The following POC5 variants were observed in gnomAD, a reference collection of about 807,000 sequenced individuals.
The protein encoded by POC5 is POC5 centriolar protein, also known as centrosomal protein POC5.
POC5 carries 48 observed loss-of-function variants against 62.9 expected under a neutral mutation model. The observed-to-expected ratio is 0.76, with a 90% CI of 0.61 to 0.97. The LOEUF is 0.97. Ranked by LOEUF, POC5 falls within the 50% of genes least tolerant of loss-of-function variation. POC5 has a pLI of 0.00. For synonymous variants in POC5, 236 were observed against 228.2 expected, an observed-to-expected ratio of 1.03 and a Z score of -0.31; for missense variants, 696 against 679.5, an observed-to-expected ratio of 1.02 and a Z score of -0.27.
At chr5:75,702,000 G>A (rs1776906226) in intron 5 of POC5, among the ~76,000 whole-genome samples, 1 of 152,178 alleles carries the variant, frequency 6.6e-6, no homozygotes, top group South Asian at 2.1e-4. Flanking sequence ...GCCATTCAAA[G>A]TATCTGTGAA....
chr5:75,696,118 C>T (rs150247403), intron 5 of POC5: 38,043 of 159,420 alleles, frequency 0.24, 4,821 homozygotes, highest in South Asian at 0.31. Context: ...AACTGCAAGG[C>T]GGCAGCGAGG....
rs1287560667 is a variant in POC5, at chr5:75,689,058, T to A, written c.1083A>T (p.Ala361=). ...ATATAGTCATGGCTTCAAGATTTAATGCACATACACCCCTCATGAAAGCTT... is the reference window on the plus strand; with the variant it reads ...ATATAGTCATGGCTTCAAGATTTAAAGCACATACACCCCTCATGAAAGCTT... ...MKKAFMRGVC[A]LNLEAMTIFQ... The change falls in exon 9 of 12, where the codon GCA becomes GCT. Residue 361 remains alanine (A), a synonymous_variant. Coordinates refer to ENST00000428202, the MANE Select transcript of POC5 (RefSeq NM_001099271.2). The A allele has an allele frequency of 2.5e-6, 4 of 1,599,624 alleles. No individual in the cohort carries two copies. Among genetic ancestry groups the A allele is most frequent in the Non-Finnish European group, 3.4e-6 (4 of 1,173,566 alleles).
Position 75,692,832 on chromosome 5 carries a change from C to T in POC5, c.691-332G>A, listed in dbSNP as rs946165809. The stretch of plus-strand genomic sequence containing the variant: ...CATTTGAAAGTTCTCCTATATACAC[C>T]ATGTCTTTATTCACTAGATTTGAGG... On this transcript the variant is annotated intron_variant, in intron 6 of 11. Coordinates refer to ENST00000428202, the MANE Select transcript of POC5 (RefSeq NM_001099271.2). 3.2e-4 allele frequency among the ~76,000 whole-genome samples: 48 copies of T among 151,900 alleles called. 1 individual carries two copies. Among genetic ancestry groups the T allele is most frequent in the African/African-American group, 9.4e-4 (39 of 41,492 alleles).
chr5:75,685,867 T>C (rs1450307266), intron 9 of POC5, among the ~76,000 whole-genome samples: 1 of 152,204 alleles, frequency 6.6e-6, no homozygotes, highest in Non-Finnish European at 1.5e-5. Flanking sequence ...CATACAAATA[T>C]CCTGATAGAT....
intron 10 of POC5, among the ~76,000 whole-genome samples, chr5:75,678,617 T>TA (rs1775764711): frequency 6.6e-6 from 1 of 152,038 alleles, no homozygotes; most frequent in African/African-American, 2.4e-5. Context: ...TACTTTTTTT[T>TA]ACGAGGTAAT....
chr5:75,712,872 A>G lies in POC5; in HGVS notation c.66T>C (p.Ser22=), dbSNP rs1466840207. Residue 22 remains serine, a synonymous_variant, in exon 2 of 12, where the codon TCT becomes TCC. Transcript: ENST00000428202. ...TTCCTACCTGAAGATTCGAAGAGAC[A>G]GAACTGCCTCGACTGGAGTCATTTT... ...VVQNDSSRGS[S]VSSNLQEEYE... 8.7e-6 allele frequency: 14 copies of G among 1,611,196 alleles called. No homozygotes were observed. The highest frequency in any genetic ancestry group is 3.3e-5 in the Admixed American group (2 of 59,750).
At chr5:75,698,032 T>C (rs60014753) in intron 5 of POC5, among the ~76,000 whole-genome samples, 5,889 of 138,112 alleles carry the variant, frequency 0.043, 143 homozygotes, top group South Asian at 0.068. Context: ...CCTAAATATA[T>C]ATGCACCCAA....
In POC5 at chr5:75,692,474, T is replaced by C; in HGVS notation, c.717A>G (p.Ile239Met). Residue 239 changes from isoleucine (I) to methionine (M), a missense_variant, in exon 7 of 12, where the codon ATA (isoleucine) becomes ATG (methionine). By Grantham distance (10) the Ile-to-Met change is conservative. Transcript: ENST00000428202. ...DEVISSLSHA[I>M]GKQKEKIELM... ...ACTCTATCTTTTCCTTTTGCTTGCCTATGGCATGAGACAAGCTAGAAATCA... is the reference window on the plus strand; with the variant it reads ...ACTCTATCTTTTCCTTTTGCTTGCCCATGGCATGAGACAAGCTAGAAATCA... 1 of 1,603,796 alleles carries C rather than the reference T, an allele frequency of 6.2e-7. No homozygotes were observed. Among genetic ancestry groups the C allele is most frequent in the Non-Finnish European group, 8.5e-7 (1 of 1,174,930 alleles).
chr5:75,708,177 A>G (rs1777201209), intron 2 of POC5, among the ~76,000 whole-genome samples: 1 of 152,122 alleles, frequency 6.6e-6, no homozygotes, highest in African/African-American at 2.4e-5. Flanking sequence ...CCTCATCTCT[A>G]CAATAAATTT....
intron 9 of POC5, among the ~76,000 whole-genome samples, chr5:75,688,556 T>G (rs1257729553): frequency 6.6e-6 from 1 of 152,188 alleles, no homozygotes; most frequent in Non-Finnish European, 1.5e-5. Flanking sequence ...TTTGCTGCAA[T>G]GAGCTTAGTT....
chr5:75,712,926 A>C lies in POC5; in HGVS notation c.12T>G (p.Asp4Glu). Residue 4 changes from aspartate to glutamate, a missense_variant, in exon 2 of 12, where the codon GAT (aspartate) becomes GAG (glutamate). By Grantham distance (45) the Asp-to-Glu change is conservative. Transcript: ENST00000428202. MSS[D>E]EEKYSLPVVQ... ...CAACTGGAAGTGAGTATTTCTCCTCATCTGATGACATTCTGCACAAATGCT... is the reference window on the plus strand; with the variant it reads ...CAACTGGAAGTGAGTATTTCTCCTCCTCTGATGACATTCTGCACAAATGCT... 6.2e-7 allele frequency: 1 copy of C among 1,611,088 alleles called. No homozygotes were observed.
intron 11 of POC5, among the ~76,000 whole-genome samples, chr5:75,675,628 C>G (rs754450755): frequency 1.3e-5 from 2 of 152,106 alleles, no homozygotes; most frequent in Non-Finnish European, 2.9e-5. Context: ...TTTATTTGTA[C>G]ATAAACAACT....
At chr5:75,710,091 G>A (rs1295368798) in intron 2 of POC5, among the ~76,000 whole-genome samples, 1 of 152,186 alleles carries the variant, frequency 6.6e-6, no homozygotes. Context: ...CAGTGCACCA[G>A]TACCTGACAA....
intron 9 of POC5, among the ~76,000 whole-genome samples, chr5:75,687,013 T>C (rs1776119629): frequency 6.6e-6 from 1 of 151,694 alleles, no homozygotes; most frequent in South Asian, 2.1e-4. Context: ...CTTTACATTA[T>C]TAAAAACTGC....
At chr5:75,714,977 T>C (rs1777490378) in intron 1 of POC5, among the ~76,000 whole-genome samples, 1 of 152,092 alleles carries the variant, frequency 6.6e-6, no homozygotes, top group African/African-American at 2.4e-5. Flanking sequence ...AAAAAGTTCT[T>C]ATCCTGAGGT....
In POC5 at chr5:75,693,904, C is replaced by A. The variant is rs113868016; in HGVS notation, c.690+751G>T. ...AAATTAGCACAGACTTGAATCTTAC[C>A]CTCGAATTCTTAAGAAGCTAAAGGA... On this transcript the variant is annotated intron_variant, in intron 6 of 11. Coordinates refer to ENST00000428202, the MANE Select transcript of POC5 (RefSeq NM_001099271.2). Among the ~76,000 whole-genome samples, 513 of 152,156 alleles carry A rather than the reference C, an allele frequency of 3.4e-3. 3 individuals carry two copies. The highest frequency in any genetic ancestry group is 6.1e-3 in the Admixed American group (93 of 15,268).
At chr5:75,704,915 T>C (rs986974524) in intron 4 of POC5, among the ~76,000 whole-genome samples, 1 of 152,202 alleles carries the variant, frequency 6.6e-6, no homozygotes, top group Non-Finnish European at 1.5e-5. Context: ...AAAAGTTCTT[T>C]AAAGCCAGGC....
intron 11 of POC5, among the ~76,000 whole-genome samples, chr5:75,676,911 T>A (rs1775687023): frequency 6.6e-6 from 1 of 152,120 alleles, no homozygotes; most frequent in African/African-American, 2.4e-5. Context: ...TCACTCTTAT[T>A]ATACTTTTTG....
At chr5:75,697,079 T>C (rs545610283) in intron 5 of POC5, among the ~76,000 whole-genome samples, 84 of 152,308 alleles carry the variant, frequency 5.5e-4, no homozygotes, top group Admixed American at 9.2e-4. Context: ...CTACGTCTCA[T>C]TGGTGTACCT....
Sources: gnomAD v4.1 joint callset for allele counts (sites outside exome capture counted in the v4.1 genomes callset) on GRCh38, gnomAD v4.1.1 for gene constraint, MANE v1.5 for transcripts, NCBI Gene and HGNC (gene_info 2026-07-23, HGNC 2026-07-21) for gene names.